PDE4D: variants seen among roughly 807,000 people sequenced by gnomAD.
PDE4D encodes the protein phosphodiesterase 4D, also known as 3',5'-cyclic-AMP phosphodiesterase 4D.
In PDE4D, 24 loss-of-function variants were observed where a neutral mutation model predicts 87.4. That is an observed-to-expected ratio of 0.27 (90% CI 0.20 to 0.39). PDE4D has a LOEUF of 0.39. PDE4D is among the 10% of genes least tolerant of loss of function. PDE4D has a pLI of 1.00. For missense variants in PDE4D, 714 were observed against 1,041.0 expected (o/e 0.69, Z 4.32); for synonymous variants, 384 against 383.2 (o/e 1.00, Z -0.02).
Position 58,989,782 on chromosome 5 carries a change from A to C in PDE4D, c.1425T>G (p.His475Gln). ...IHAADVVQST[H>Q]VLLSTPALEA... ...CCAAAGCAGGTGTAGATAATAGCAC[A>C]TGAGTAGACTGGACAACATCTGCAG... The change falls in exon 10 of 15, where the codon CAT becomes CAG. Residue 475 changes from histidine to glutamine, a missense_variant. His to Gln is a conservative substitution (Grantham distance 24). This residue lies in a region of PDE4D where 141 missense variants were observed against 204.3 expected (regional missense o/e 0.69). Coordinates refer to ENST00000340635, the MANE Select transcript of PDE4D (RefSeq NM_001104631.2). 1.2e-6 allele frequency: 2 copies of C among 1,609,598 alleles called. No individual in the cohort carries two copies. Among genetic ancestry groups the C allele is most frequent in the Non-Finnish European group, 1.7e-6 (2 of 1,178,284 alleles).
At chr5:59,386,710 G>A (rs112679968) in intron 1 of PDE4D, among the ~76,000 whole-genome samples, 2 of 108,590 alleles carry the variant, frequency 1.8e-5, no homozygotes, top group African/African-American at 2.9e-5. Context: ...AGGGAGGGAG[G>A]GAGGGAAAGA....
chr5:60,306,474 A>C (rs929553925), intron 1 of PDE4D, among the ~76,000 whole-genome samples: 12 of 152,102 alleles, frequency 7.9e-5, no homozygotes, highest in African/African-American at 2.9e-4. Flanking sequence ...ACAGGAACGA[A>C]TCAATAAAAA....
At chr5:59,686,667 A>G (rs1749919254) in intron 1 of PDE4D, among the ~76,000 whole-genome samples, 1 of 152,218 alleles carries the variant, frequency 6.6e-6, no homozygotes, top group Non-Finnish European at 1.5e-5. Context: ...TAATAAATAT[A>G]CACAGGTTAT....
intron 1 of PDE4D, among the ~76,000 whole-genome samples, chr5:59,672,911 TTG>T (rs1378939734): frequency 6.6e-6 from 1 of 152,224 alleles, no homozygotes. Flanking sequence ...CACAAATGTA[TTG>T]TGTTTTGATG....
intron 1 of PDE4D, among the ~76,000 whole-genome samples, chr5:59,579,011 C>T (rs1416293109): frequency 6.6e-6 from 1 of 152,064 alleles, no homozygotes; most frequent in Non-Finnish European, 1.5e-5. Context: ...CACAACTTTT[C>T]TCTGCTTTTA....
At chr5:58,988,926 G>A (rs1337950758) in intron 10 of PDE4D, among the ~76,000 whole-genome samples, 1 of 152,100 alleles carries the variant, frequency 6.6e-6, no homozygotes, top group Non-Finnish European at 1.5e-5. Flanking sequence ...TTCTGAAAAT[G>A]TACATAAAAT....
Position 59,486,629 on chromosome 5 carries a change from C to A in PDE4D, c.456-270661G>T, listed in dbSNP as rs543363512. 2.0e-5 allele frequency among the ~76,000 whole-genome samples: 3 copies of A among 152,194 alleles called. No homozygotes were observed. The East Asian group carries it at 5.8e-4, about 29-fold the overall frequency. On this transcript the variant is annotated intron_variant, in intron 1 of 14. Transcript: ENST00000340635. ...CATTTTACAGGTGAAGAAATGTAGACCCATAGCTGTTAAATGACTCGCCAA... is the reference window on the plus strand; with the variant it reads ...CATTTTACAGGTGAAGAAATGTAGAACCATAGCTGTTAAATGACTCGCCAA...
chr5:60,214,757 A>G (rs1227803084), intron 1 of PDE4D, among the ~76,000 whole-genome samples: 1 of 152,168 alleles, frequency 6.6e-6, no homozygotes, highest in Non-Finnish European at 1.5e-5. Context: ...GAATAGAGAA[A>G]ATACCATACT....
intron 1 of PDE4D, among the ~76,000 whole-genome samples, chr5:59,690,207 G>GA (rs566990436): frequency 2.4e-4 from 37 of 152,066 alleles, no homozygotes; most frequent in African/African-American, 7.0e-4. Context: ...CACAGAATTG[G>GA]AAAAAAACTA....
At chr5:59,271,033 A>C (rs1763726336) in intron 1 of PDE4D, among the ~76,000 whole-genome samples, 1 of 143,866 alleles carries the variant, frequency 7.0e-6, no homozygotes, top group Non-Finnish European at 1.5e-5. Flanking sequence ...GTATTAGAAA[A>C]ATGGATTTTT....
intron 1 of PDE4D, among the ~76,000 whole-genome samples, chr5:59,324,776 G>A (rs1775347435): frequency 6.6e-6 from 1 of 152,122 alleles, no homozygotes; most frequent in African/African-American, 2.4e-5. Flanking sequence ...GTTTAAGCCA[G>A]TTAAGTTACA....
chr5:59,234,952 A>C (rs72644095), intron 1 of PDE4D, among the ~76,000 whole-genome samples: 16,056 of 152,114 alleles, frequency 0.11, 2,109 homozygotes, highest in East Asian at 0.52. Context: ...CCATGTCTTT[A>C]AGACTTTTAA....
chr5:59,094,070 T>C (rs747256126), intron 5 of PDE4D, among the ~76,000 whole-genome samples: 5 of 151,398 alleles, frequency 3.3e-5, no homozygotes, highest in Non-Finnish European at 7.4e-5. Flanking sequence ...ATACAAAAAT[T>C]AGCTGGGTGT....
chr5:59,559,351 G>GTTA (rs1216452894), intron 1 of PDE4D, among the ~76,000 whole-genome samples: 1 of 152,184 alleles, frequency 6.6e-6, no homozygotes, highest in African/African-American at 2.4e-5. Context: ...CATGAGCCAT[G>GTTA]TTATGATTTC....
intron 1 of PDE4D, among the ~76,000 whole-genome samples, chr5:60,482,998 T>C (rs1191820714): frequency 6.6e-6 from 1 of 152,252 alleles, no homozygotes; most frequent in Non-Finnish European, 1.5e-5. Context: ...ATCTGGATTC[T>C]AGTTCCAGGT....
At chr5:59,032,170 A>T (rs140031347) in intron 6 of PDE4D, among the ~76,000 whole-genome samples, 1 of 152,294 alleles carries the variant, frequency 6.6e-6, no homozygotes, top group East Asian at 1.9e-4. Flanking sequence ...TATGATGTAC[A>T]CATTTTAAAA....
intron 2 of PDE4D, among the ~76,000 whole-genome samples, chr5:60,182,592 A>G (rs1784451433): frequency 3.9e-5 from 6 of 152,146 alleles, no homozygotes; most frequent in Admixed American, 3.9e-4. Context: ...AGATCCCGGC[A>G]TTGCACTCCA....
chr5:59,557,778 A>G (rs1054395043), intron 1 of PDE4D, among the ~76,000 whole-genome samples: 16 of 152,202 alleles, frequency 1.1e-4, no homozygotes, highest in Admixed American at 3.3e-4. Context: ...AATGCTAAAC[A>G]TGAATCAGCA....
Position 58,969,443 on chromosome 5 carries a change from A to G in PDE4D, c.*5221T>C, listed in dbSNP as rs917733177. ...CATTTATGCCTCAAGATCTTTGCAA[A>G]TGTTTCTTGTCTGGATCCCCTTCCT... On this transcript the variant is annotated 3_prime_UTR_variant, in exon 15 of 15. Coordinates refer to ENST00000340635, the MANE Select transcript of PDE4D (RefSeq NM_001104631.2). 1.3e-5 allele frequency: 2 copies of G among 152,132 alleles called. No individual in the cohort carries two copies. Among genetic ancestry groups the G allele is most frequent in the Non-Finnish European group, 2.9e-5 (2 of 68,046 alleles). The allele number at this position is 152,132 out of a possible 1,614,324, so 9.4% of individuals were successfully genotyped here. A position where few individuals can be genotyped will look rare whatever the true frequency, so the allele number is the denominator to read the frequency against.
Sources: gnomAD v4.1 joint callset for allele counts (sites outside exome capture counted in the v4.1 genomes callset) on GRCh38, gnomAD v4.1.1 for gene constraint, gnomAD v4.1.1 regional missense constraint, MANE v1.5 for transcripts, NCBI Gene and HGNC (gene_info 2026-07-23, HGNC 2026-07-21) for gene names.